The following STPG2 variants were observed in gnomAD, a reference collection of about 807,000 sequenced individuals.
STPG2 encodes the protein sperm tail PG-rich repeat containing 2.
STPG2 carries 56 observed loss-of-function variants against 54.2 expected under a neutral mutation model. That is an observed-to-expected ratio of 1.03 (90% CI 0.83 to 1.29). The LOEUF (loss-of-function observed/expected upper bound fraction) is 1.29. Among genes scored for constraint, STPG2 ranks in the 50% most tolerant of loss-of-function variants. The pLI, the probability that STPG2 is intolerant of heterozygous loss-of-function variation, is 0.00. For synonymous variants in STPG2, 200 were observed against 181.8 expected (o/e 1.10, Z -0.81); for missense variants, 596 against 544.9 (o/e 1.09, Z -0.93).
At chr4:98,031,479 C>A (rs1054305074) in intron 5 of STPG2, among the ~76,000 whole-genome samples, 10 of 152,058 alleles carry the variant, frequency 6.6e-5, no homozygotes, top group Non-Finnish European at 1.3e-4. Flanking sequence ...GAGATGGAGA[C>A]TATCCTGGCC....
chr4:98,050,117 T>C (rs1737271744), intron 5 of STPG2, among the ~76,000 whole-genome samples: 1 of 152,150 alleles, frequency 6.6e-6, no homozygotes, highest in Non-Finnish European at 1.5e-5. Context: ...TTATTTGGAT[T>C]CTGATTAAAA....
At chr4:97,802,934 C>G (rs950675837) in intron 9 of STPG2, among the ~76,000 whole-genome samples, 1 of 152,110 alleles carries the variant, frequency 6.6e-6, no homozygotes, top group Non-Finnish European at 1.5e-5. Flanking sequence ...TGCAAAGCCA[C>G]CTCTATTACA....
rs575543771 is a variant in STPG2 at position 97,924,107 on chromosome 4, C to G, written c.1044+19790G>C. Among the ~76,000 whole-genome samples, 25 of 152,252 alleles carry G rather than the reference C, an allele frequency of 1.6e-4. No individual in the cohort carries two copies. In the South Asian group the frequency reaches 4.6e-3, roughly 28 times the overall value. On this transcript the variant is annotated intron_variant, in intron 8 of 10. Coordinates refer to ENST00000295268, the MANE Select transcript of STPG2 (RefSeq NM_174952.3). ...CGTTTATGAGCTGTAACACTCACCG[C>G]GAAGGTCTGCAGCTTCACTCCTGAG...
intron 3 of STPG2, among the ~76,000 whole-genome samples, chr4:98,119,006 T>TA (rs1185448483): frequency 6.6e-6 from 1 of 152,024 alleles, no homozygotes; most frequent in Non-Finnish European, 1.5e-5. Flanking sequence ...GGTTAAAAAA[T>TA]AGAGTTAGAA....
At chr4:97,599,717 G>A (rs1733405054) in intron 10 of STPG2, among the ~76,000 whole-genome samples, 1 of 151,664 alleles carries the variant, frequency 6.6e-6, no homozygotes, top group Admixed American at 6.6e-5. Flanking sequence ...CCAGCTACTC[G>A]GGAGGCTGAG....
intron 9 of STPG2, among the ~76,000 whole-genome samples, chr4:97,772,640 T>A (rs1308425321): frequency 6.6e-6 from 1 of 152,228 alleles, no homozygotes; most frequent in East Asian, 1.9e-4. Context: ...ATATTTATTT[T>A]GTAGTCATTT....
chr4:98,040,733 A>G (rs1736927993), intron 5 of STPG2, among the ~76,000 whole-genome samples: 1 of 151,776 alleles, frequency 6.6e-6, no homozygotes, highest in Non-Finnish European at 1.5e-5. Flanking sequence ...TATTAAGACT[A>G]TAATTCGAAG....
chr4:97,682,339 T>G (rs1723062910), intron 10 of STPG2, among the ~76,000 whole-genome samples: 1 of 151,798 alleles, frequency 6.6e-6, no homozygotes, highest in Non-Finnish European at 1.5e-5. Context: ...TCTTCAAAAT[T>G]AAGGTTTCTA....
chr4:97,985,448 A>T (rs964266088), intron 5 of STPG2, among the ~76,000 whole-genome samples: 1 of 152,206 alleles, frequency 6.6e-6, no homozygotes, highest in Non-Finnish European at 1.5e-5. Flanking sequence ...ATAATTGAAG[A>T]CATAAGGCAA....
At chr4:98,011,720 A>C (rs553613679) in intron 5 of STPG2, among the ~76,000 whole-genome samples, 2 of 152,232 alleles carry the variant, frequency 1.3e-5, no homozygotes, top group South Asian at 4.1e-4. Context: ...AGTGATGTTG[A>C]GCTTTTTTCA....
chr4:98,014,733 T>A (rs771060020), intron 5 of STPG2, among the ~76,000 whole-genome samples: 22 of 152,210 alleles, frequency 1.4e-4, no homozygotes, highest in Non-Finnish European at 2.9e-4. Flanking sequence ...GTCATATTTT[T>A]AGTTATTGCT....
intron 9 of STPG2, among the ~76,000 whole-genome samples, chr4:97,714,671 C>A (rs141283580): frequency 2.0e-5 from 3 of 152,016 alleles, no homozygotes; most frequent in African/African-American, 7.2e-5. Flanking sequence ...TACATAACAT[C>A]TTTACTGACA....
intron 10 of STPG2, among the ~76,000 whole-genome samples, chr4:97,591,667 G>C (rs1212177144): frequency 6.6e-6 from 1 of 152,114 alleles, no homozygotes; most frequent in Non-Finnish European, 1.5e-5. Context: ...TTGTACCCCA[G>C]TCTGCCATGG....
intron 5 of STPG2, among the ~76,000 whole-genome samples, chr4:98,032,704 C>T (rs13111584): frequency 0.39 from 59,297 of 151,954 alleles, 11,784 homozygotes; most frequent in Middle Eastern, 0.46. Context: ...TAAAACACTC[C>T]TCAGCAAATG....
intron 8 of STPG2, among the ~76,000 whole-genome samples, chr4:97,926,091 C>G (rs573108108): frequency 5.9e-5 from 9 of 152,172 alleles, no homozygotes; most frequent in African/African-American, 2.2e-4. Flanking sequence ...GATCATAGGC[C>G]CTCTCTACCT....
intron 5 of STPG2, among the ~76,000 whole-genome samples, chr4:98,021,274 T>G (rs13147957): frequency 1.2e-4 from 14 of 113,446 alleles, no homozygotes; most frequent in South Asian, 3.1e-4. Context: ...ATTTTGTTAT[T>G]TACCCAGTAG....
intron 9 of STPG2, among the ~76,000 whole-genome samples, chr4:97,733,194 C>T (rs187218264): frequency 1.2e-4 from 18 of 152,032 alleles, no homozygotes; most frequent in African/African-American, 1.9e-4. Flanking sequence ...ATGTTAAATG[C>T]GCATCAACTA....
chr4:97,499,882 G>C (rs1271300370), intron 4 of STPG2, among the ~76,000 whole-genome samples: 1 of 152,026 alleles, frequency 6.6e-6, no homozygotes, highest in Non-Finnish European at 1.5e-5. Context: ...GTATTAAATA[G>C]AAGATGGGAT....
At chr4:97,975,074 T>C (rs1376686618) in intron 6 of STPG2, among the ~76,000 whole-genome samples, 1 of 152,200 alleles carries the variant, frequency 6.6e-6, no homozygotes, top group East Asian at 1.9e-4. Context: ...TCCATTTATA[T>C]GTAAATTTAG....
Sources: gnomAD v4.1 joint callset for allele counts (sites outside exome capture counted in the v4.1 genomes callset) on GRCh38, gnomAD v4.1.1 for gene constraint, MANE v1.5 for transcripts, NCBI Gene and HGNC (gene_info 2026-07-23, HGNC 2026-07-21) for gene names.